The following TRHDE variants were observed in gnomAD, a reference collection of about 807,000 sequenced individuals.
TRHDE encodes thyrotropin releasing hormone degrading enzyme.
Under a neutral mutation model 125.7 loss-of-function variants are expected in TRHDE, and 72 were observed. The observed-to-expected ratio is 0.57, with a 90% CI of 0.47 to 0.70. The LOEUF (loss-of-function observed/expected upper bound fraction) is 0.70. Among genes scored for constraint, TRHDE ranks in the 30% least tolerant of loss-of-function variants. The pLI is 0.00. For missense variants in TRHDE, 1,110 were observed against 1,327.1 expected (o/e 0.84, Z 2.54); for synonymous variants, 509 against 509.1 (o/e 1.00, Z 0.00).
intron 2 of TRHDE, among the ~76,000 whole-genome samples, chr12:72,374,270 T>G: frequency 6.8e-6 from 1 of 147,664 alleles, no homozygotes. Context: ...TTAACTGAGG[T>G]GGGAAAGATT....
chr12:72,305,471 A>G (rs1191408879), intron 2 of TRHDE, among the ~76,000 whole-genome samples: 1 of 152,172 alleles, frequency 6.6e-6, no homozygotes, highest in East Asian at 1.9e-4. Context: ...CAAGTCAAAT[A>G]ATTCATTACC....
At chr12:72,290,660 G>A (rs1357288558) in intron 2 of TRHDE, among the ~76,000 whole-genome samples, 2 of 152,200 alleles carry the variant, frequency 1.3e-5, no homozygotes, top group Non-Finnish European at 2.9e-5. Flanking sequence ...AGCCATCTTT[G>A]TCTGGTGGTT....
chr12:72,609,978 G>T lies in TRHDE; in HGVS notation c.2322-8913G>T, dbSNP rs547996895. Among the ~76,000 whole-genome samples, 5 of 152,172 alleles carry T rather than the reference G, an allele frequency of 3.3e-5. No homozygotes were observed. In the South Asian group the frequency reaches 8.3e-4, roughly 25 times the overall value. The stretch of plus-strand genomic sequence containing the variant: ...GCAGAATTCCATACTACCTTTAAGA[G>T]TTGTATTTTCCATGGAAATCATAAA... On this transcript the variant is annotated intron_variant, in intron 12 of 18. Coordinates refer to ENST00000261180, the MANE Select transcript of TRHDE (RefSeq NM_013381.3).
chr12:72,209,729 C>T (rs1181368405), intron 2 of TRHDE, among the ~76,000 whole-genome samples: 1 of 152,138 alleles, frequency 6.6e-6, no homozygotes, highest in East Asian at 1.9e-4. Flanking sequence ...AGACCAGTTG[C>T]TTTCACTTAA....
At chr12:72,603,015 T>C (rs1872269366) in intron 12 of TRHDE, among the ~76,000 whole-genome samples, 1 of 152,084 alleles carries the variant, frequency 6.6e-6, no homozygotes, top group African/African-American at 2.4e-5. Flanking sequence ...AACAGAACTA[T>C]AACACCAAGC....
chr12:72,166,584 C>G (rs921881055), intron 2 of TRHDE, among the ~76,000 whole-genome samples: 2 of 152,194 alleles, frequency 1.3e-5, no homozygotes, highest in Non-Finnish European at 1.5e-5. Context: ...CAGCAGTGCT[C>G]TATCCTTAAG....
At chr12:72,595,469 A>T (rs1871898327) in intron 12 of TRHDE, among the ~76,000 whole-genome samples, 1 of 152,100 alleles carries the variant, frequency 6.6e-6, no homozygotes, top group Non-Finnish European at 1.5e-5. Flanking sequence ...CTCAAGCAGA[A>T]TATGAGTGTT....
At chr12:72,256,486 C>T (rs1013005814) in intron 2 of TRHDE, 3 of 151,896 alleles carry the variant, frequency 2.0e-5, no homozygotes, top group Non-Finnish European at 4.4e-5. Flanking sequence ...CCCTATCGCC[C>T]TATCTATTTT....
chr12:72,529,900 C>A (rs73146953), intron 6 of TRHDE, among the ~76,000 whole-genome samples: 1 of 152,116 alleles, frequency 6.6e-6, no homozygotes, highest in East Asian at 1.9e-4. Flanking sequence ...AATGTTCTTA[C>A]GCCTCCAACC....
intron 12 of TRHDE, among the ~76,000 whole-genome samples, chr12:72,597,147 GTCAC>G (rs1429044907): frequency 6.6e-6 from 1 of 152,154 alleles, no homozygotes; most frequent in Non-Finnish European, 1.5e-5. Context: ...GTAAAAAGCT[GTCAC>G]TCTGGAGAAC....
chr12:72,548,060 G>T lies in TRHDE; in HGVS notation c.1788+5704G>T, dbSNP rs564271887. Among the ~76,000 whole-genome samples the T allele has an allele frequency of 4.6e-5, 7 of 151,816 alleles. No homozygotes were observed. The East Asian group carries it at 9.7e-4, about 21-fold the overall frequency. On this transcript the variant is annotated intron_variant, in intron 7 of 18. Transcript: ENST00000261180. Reference sequence around the variant, plus strand: ...AATCTGGTTTTGTCATTAAAATGTTGCAAATGTAAGTAGAGTCCTTACTAG... The same window carrying T: ...AATCTGGTTTTGTCATTAAAATGTTTCAAATGTAAGTAGAGTCCTTACTAG...
intron 2 of TRHDE, among the ~76,000 whole-genome samples, chr12:72,331,197 T>A (rs1019046246): frequency 1.3e-5 from 2 of 152,146 alleles, no homozygotes; most frequent in Non-Finnish European, 2.9e-5. Flanking sequence ...TCAAAAGACT[T>A]ACCCAAAGAC....
intron 3 of TRHDE, among the ~76,000 whole-genome samples, chr12:72,424,074 T>C (rs550652779): frequency 1.9e-4 from 29 of 152,274 alleles, no homozygotes; most frequent in African/African-American, 6.7e-4. Context: ...TGAAAGAAAC[T>C]GGGTAGCTCA....
At chr12:72,225,708 T>C (rs1360775567) in intron 2 of TRHDE, among the ~76,000 whole-genome samples, 1 of 152,210 alleles carries the variant, frequency 6.6e-6, no homozygotes, top group Non-Finnish European at 1.5e-5. Context: ...AGATCAGTTA[T>C]TGTATTCCTA....
intron 6 of TRHDE, among the ~76,000 whole-genome samples, chr12:72,503,171 T>A (rs775943662): frequency 2.0e-5 from 3 of 152,160 alleles, no homozygotes; most frequent in African/African-American, 4.8e-5. Flanking sequence ...ACATGGATAC[T>A]CTGTACTAGT....
intron 2 of TRHDE, among the ~76,000 whole-genome samples, chr12:72,225,059 G>A (rs1006296910): frequency 1.3e-5 from 2 of 152,116 alleles, no homozygotes; most frequent in African/African-American, 4.8e-5. Flanking sequence ...TATTCTTGAA[G>A]CATTGGAGTT....
At chr12:72,643,291 A>G (rs1874143903) in intron 15 of TRHDE, among the ~76,000 whole-genome samples, 1 of 152,256 alleles carries the variant, frequency 6.6e-6, no homozygotes, top group African/African-American at 2.4e-5. Flanking sequence ...TCAATGGACC[A>G]TCAACATGCT....
chr12:72,213,898 T>C (rs573901844), intron 2 of TRHDE, among the ~76,000 whole-genome samples: 2 of 152,286 alleles, frequency 1.3e-5, no homozygotes, highest in South Asian at 4.1e-4. Flanking sequence ...TAGATCTCCT[T>C]AACTTCCATA....
At chr12:72,631,308 C>T (rs888971266) in intron 15 of TRHDE, among the ~76,000 whole-genome samples, 8 of 151,692 alleles carry the variant, frequency 5.3e-5, no homozygotes, top group Non-Finnish European at 7.4e-5. Flanking sequence ...ATGCAAAATG[C>T]CCCTTTTTGC....
Sources: allele counts gnomAD v4.1 joint callset (sites outside exome capture counted in the v4.1 genomes callset), GRCh38; gene constraint gnomAD v4.1.1; transcripts MANE v1.5; gene names NCBI Gene and HGNC (gene_info 2026-07-23, HGNC 2026-07-21).